ZZEF1: variants seen among roughly 807,000 people sequenced by gnomAD.
The protein encoded by ZZEF1 is zinc finger ZZ-type and EF-hand domain containing 1, also known as zinc finger ZZ-type and EF-hand domain-containing protein 1.
ZZEF1 carries 157 observed loss-of-function variants against 342.8 expected under a neutral mutation model. The ratio of observed to expected loss-of-function variants is 0.46; its 90% CI spans 0.40 to 0.52. The LOEUF is 0.52. ZZEF1 is among the 20% of genes least tolerant of loss of function. The pLI, the probability that ZZEF1 is intolerant of heterozygous loss-of-function variation, is 0.00. For synonymous variants in ZZEF1, 1,505 were observed against 1,429.1 expected, an observed-to-expected ratio of 1.05 and a Z score of -1.20; for missense variants, 3,480 against 3,725.6, an observed-to-expected ratio of 0.93 and a Z score of 1.72.
chr17:4,142,749 C>T lies in ZZEF1; in HGVS notation c.147G>A (p.Ala49=), dbSNP rs1474086410. 10 of 1,489,468 alleles carry T rather than the reference C, an allele frequency of 6.7e-6. No homozygotes were observed. The highest frequency in any genetic ancestry group is 1.5e-5 in the African/African-American group (1 of 68,224). The allele number at this position is 1,489,468 out of a possible 1,614,324, so 92.3% of individuals were successfully genotyped here. ...VAAPALPPAA[A]LLEPARLREA... ...CTCGCAGCCTGGCCGGCTCCAGCAG[C>T]GCCGCGGCGGGTGGTAGCGCTGGAG... The change falls in exon 1 of 55, where the codon GCG becomes GCA. Residue 49 remains alanine, a synonymous_variant. Coordinates refer to ENST00000381638, the MANE Select transcript of ZZEF1 (RefSeq NM_015113.4).
intron 35 of ZZEF1, among the ~76,000 whole-genome samples, chr17:4,051,695 C>T (rs1375288819): frequency 1.3e-5 from 2 of 150,182 alleles, no homozygotes; most frequent in Non-Finnish European, 3.0e-5. Flanking sequence ...GGATTACAGG[C>T]GTGAGCCACC....
intron 30 of ZZEF1, among the ~76,000 whole-genome samples, chr17:4,060,670 A>G (rs777025973): frequency 9.7e-5 from 14 of 143,804 alleles, no homozygotes; most frequent in Non-Finnish European, 1.9e-4. Flanking sequence ...CCTCCTTCTC[A>G]TCCTTCCATT....
chr17:4,102,437 C>G (rs1205203895), intron 8 of ZZEF1, 22 bp from the exon 9 acceptor site: 1 of 1,601,422 alleles, frequency 6.2e-7, no homozygotes, highest in Non-Finnish European at 8.6e-7. Flanking sequence ...AAAGGAAGAC[C>G]AAGCTGTAAG....
chr17:4,087,592 T>C (rs2057856820), intron 13 of ZZEF1, 58 bp from the exon 14 acceptor site: 3 of 1,413,212 alleles, frequency 2.1e-6, no homozygotes, highest in East Asian at 2.3e-5. Flanking sequence ...AGAGAAATAC[T>C]GTAATGCCTC....
rs1476008588 is a variant in ZZEF1 at position 4,062,773 on chromosome 17, G to A, written c.4863C>T (p.Thr1621=). The change falls in exon 30 of 55, where the codon ACC becomes ACT. Residue 1621 remains threonine, a synonymous_variant. Transcript: ENST00000381638. ...CTTACTTGGTAAAATCTTTCTGACA[G>A]GTCAGAAGTTCCAACAGGAAAAGTA... is the stretch of plus-strand genomic sequence containing the variant. ...PFILFLLELL[T]CQKDFTNYFG... 3 of 1,608,948 alleles carry A rather than the reference G, an allele frequency of 1.9e-6. No individual in the cohort carries two copies. The highest frequency in any genetic ancestry group is 3.4e-5 in the Admixed American group (2 of 59,276).
intron 8 of ZZEF1, among the ~76,000 whole-genome samples, chr17:4,103,510 G>A (rs1379389893): frequency 6.6e-6 from 1 of 152,020 alleles, no homozygotes; most frequent in South Asian, 2.1e-4. Context: ...TTATGCCAGT[G>A]CACTCCAACC....
chr17:4,026,589 T>G (rs1009878162), intron 42 of ZZEF1, among the ~76,000 whole-genome samples: 1 of 151,696 alleles, frequency 6.6e-6, no homozygotes, highest in Non-Finnish European at 1.5e-5. Context: ...TGACGTGATC[T>G]TGGCTGACTG....
intron 32 of ZZEF1, among the ~76,000 whole-genome samples, 196 bp from the exon 33 acceptor site, chr17:4,056,541 C>G (rs866317142): frequency 1.3e-5 from 2 of 152,022 alleles, no homozygotes; most frequent in African/African-American, 2.4e-5. Flanking sequence ...AAGGAGAAGC[C>G]CTTTCCAGAG....
intron 34 of ZZEF1, among the ~76,000 whole-genome samples, chr17:4,052,979 C>T (rs1389357129): frequency 6.6e-6 from 1 of 152,144 alleles, no homozygotes; most frequent in Non-Finnish European, 1.5e-5. Flanking sequence ...GGCCCTTGGG[C>T]CCTTCTCACT....
intron 37 of ZZEF1, among the ~76,000 whole-genome samples, chr17:4,047,947 A>G (rs895747392): frequency 2.0e-5 from 3 of 152,180 alleles, no homozygotes; most frequent in Non-Finnish European, 4.4e-5. Flanking sequence ...TCTCAAAAAA[A>G]ATAAGAAAAG....
intron 39 of ZZEF1, 86 bp from the exon 40 acceptor site, chr17:4,034,378 T>C: frequency 1.4e-6 from 2 of 1,427,780 alleles, no homozygotes; most frequent in Non-Finnish European, 1.9e-6. Context: ...CTACCTTATT[T>C]ACAGCTGGCC....
intron 16 of ZZEF1, among the ~76,000 whole-genome samples, chr17:4,084,647 T>C (rs1418448758): frequency 1.3e-5 from 2 of 152,256 alleles, no homozygotes; most frequent in African/African-American, 2.4e-5. Flanking sequence ...CATACTCATT[T>C]TCATACAGAA....
intron 7 of ZZEF1, among the ~76,000 whole-genome samples, chr17:4,105,338 C>T (rs1028666445): frequency 2.0e-5 from 3 of 152,174 alleles, no homozygotes; most frequent in Non-Finnish European, 4.4e-5. Context: ...TGCCCTTTCC[C>T]AGTTCTGTAG....
At position 4,142,558 on chromosome 17, in the gene ZZEF1, C is replaced by T. The variant is rs1434285764; in HGVS notation, c.338G>A (p.Ser113Asn). ...GGCCCTGACCTCCTCGAACTGCTCG[C>T]TAGAGCAGCCGGCGCCGCGAGCCTC... ...LLEARGAGCS[S>N]EQFEEAFAQF... Residue 113 changes from serine (S) to asparagine (N), a missense_variant, in exon 1 of 55, where the codon AGC (serine) becomes AAC (asparagine). Physicochemically the swap from Ser to Asn is conservative, Grantham distance 46. This residue lies in a region of ZZEF1 where 416 missense variants were observed against 374.2 expected (regional missense o/e 1.11). Transcript: ENST00000381638. The T allele has an allele frequency of 1.2e-6, 2 of 1,601,100 alleles. No individual in the cohort carries two copies. The highest frequency in any genetic ancestry group is 2.2e-5 in the East Asian group (1 of 44,770).
At chr17:4,026,275 A>G (rs934099605) in intron 42 of ZZEF1, among the ~76,000 whole-genome samples, 1 of 152,202 alleles carries the variant, frequency 6.6e-6, no homozygotes, top group African/African-American at 2.4e-5. Flanking sequence ...CAGAAAAAAT[A>G]TTTGAATACA....
Position 4,123,965 on chromosome 17 carries a change from A to T in ZZEF1, c.441T>A (p.Asn147Lys). 2 of 1,614,014 alleles carry T rather than the reference A, an allele frequency of 1.2e-6. No homozygotes were observed. Among genetic ancestry groups the T allele is most frequent in the African/African-American group, 1.3e-5 (1 of 74,984 alleles). Residue 147 changes from asparagine (N) to lysine (K), a missense_variant, in exon 2 of 55, where the codon AAT (asparagine) becomes AAA (lysine). Asn to Lys is a moderately conservative substitution (Grantham distance 94). This residue lies in a region of ZZEF1 where 416 missense variants were observed against 374.2 expected (regional missense o/e 1.11). Coordinates refer to ENST00000381638, the MANE Select transcript of ZZEF1 (RefSeq NM_015113.4). ...LEALKNSSGA[N>K]LQGELSHIIR... ...TGATGTGGCTCAGCTCCCCCTGAAG[A>T]TTAGCTCCACTGGAATTCTTGAGGG...
Position 4,072,715 on chromosome 17 carries a change from A to C in ZZEF1, c.3727T>G (p.Leu1243Val), listed in dbSNP as rs750485755. 1.1e-5 allele frequency: 18 copies of C among 1,613,654 alleles called. No homozygotes were observed. The highest frequency in any genetic ancestry group is 1.4e-5 in the Non-Finnish European group (17 of 1,179,776). ...TTCCACAGTGGGGAGCTTAGGACTA[A>C]TGCCATTTTTGCCTGAGGTACTACC... ...NMVVPQAKMA[L>V]VLSSPLWKPV... Residue 1243 changes from leucine to valine, a missense_variant, in exon 25 of 55, where the codon TTA becomes GTA. By Grantham distance (32) the Leu-to-Val change is conservative (BLOSUM62 1). This residue lies in a region of ZZEF1 where 1,528 missense variants were observed against 1,624.1 expected (regional missense o/e 0.94). Transcript: ENST00000381638.
In ZZEF1 at chr17:4,142,759, G is replaced by C. The variant is rs2058887099; in HGVS notation, c.137C>G (p.Pro46Arg). 6.8e-7 allele frequency: 1 copy of C among 1,472,750 alleles called. No homozygotes were observed. Among genetic ancestry groups the C allele is most frequent in the African/African-American group, 1.5e-5 (1 of 67,600 alleles). The allele number at this position is 1,472,750 out of a possible 1,614,324, so 91.2% of individuals were successfully genotyped here. The part of the protein sequence containing the change: ...GPGVAAPALP[P>R]AAALLEPARL... ...GGCCGGCTCCAGCAGCGCCGCGGCG[G>C]GTGGTAGCGCTGGAGCCGCGACGCC... is the stretch of plus-strand genomic sequence containing the variant. Residue 46 changes from proline to arginine, a missense_variant, in exon 1 of 55, where the codon CCC (proline) becomes CGC (arginine). Around this residue, in one of 5 missense-constraint regions of ZZEF1, gnomAD observed 416 missense variants for 374.2 expected, o/e 1.11. Transcript: ENST00000381638.
rs374572655 is a variant in ZZEF1, at chr17:4,137,418, G to A, written c.354+5124C>T. ...AAGGTCAGGAGATCGAGACCATCCT[G>A]GCTAACACGGTGAAACCCCGTCTCT... On this transcript the variant is annotated intron_variant, in intron 1 of 54. Coordinates refer to ENST00000381638, the MANE Select transcript of ZZEF1 (RefSeq NM_015113.4). Among the ~76,000 whole-genome samples, 141 of 152,264 alleles carry A rather than the reference G, an allele frequency of 9.3e-4. No homozygotes were observed. The East Asian group carries it at 0.021, about 22-fold the overall frequency.
Sources: gnomAD v4.1 joint callset for allele counts (sites outside exome capture counted in the v4.1 genomes callset) on GRCh38, gnomAD v4.1.1 for gene constraint, gnomAD v4.1.1 regional missense constraint, MANE v1.5 for transcripts, NCBI Gene and HGNC (gene_info 2026-07-23, HGNC 2026-07-21) for gene names.